Variants in TSPAN5 observed in about 807,000 individuals in gnomAD.
TSPAN5 encodes tetraspanin-5.
Under a neutral mutation model 37.1 loss-of-function variants are expected in TSPAN5, and 10 were observed. That is an observed-to-expected ratio of 0.27 (90% CI 0.17 to 0.46). The LOEUF is 0.46. Among genes scored for constraint, TSPAN5 ranks in the 20% least tolerant of loss-of-function variants. TSPAN5 has a pLI of 1.00. For missense variants in TSPAN5, 195 were observed against 326.6 expected, an observed-to-expected ratio of 0.60 and a Z score of 3.11; for synonymous variants, 110 against 118.9, an observed-to-expected ratio of 0.93 and a Z score of 0.48.
intron 1 of TSPAN5, among the ~76,000 whole-genome samples, chr4:98,523,658 T>G (rs573153531): frequency 6.6e-6 from 1 of 152,330 alleles, no homozygotes; most frequent in Non-Finnish European, 1.5e-5. Flanking sequence ...CTGGTCAACA[T>G]GAACTCTTGG....
chr4:98,623,837 A>G (rs1308190453), intron 1 of TSPAN5, among the ~76,000 whole-genome samples: 3 of 152,178 alleles, frequency 2.0e-5, no homozygotes, highest in Admixed American at 1.3e-4. Context: ...ATGCACACAT[A>G]CATATATACA....
At chr4:98,514,434 G>A (rs1293152921) in intron 1 of TSPAN5, among the ~76,000 whole-genome samples, 1 of 152,160 alleles carries the variant, frequency 6.6e-6, no homozygotes, top group Non-Finnish European at 1.5e-5. Context: ...GATAATTCTG[G>A]CCATGTCAAA....
intron 1 of TSPAN5, among the ~76,000 whole-genome samples, chr4:98,630,153 A>C (rs571874685): frequency 6.6e-6 from 1 of 152,296 alleles, no homozygotes; most frequent in South Asian, 2.1e-4. Flanking sequence ...GTATCTACTA[A>C]ACAGCATCAG....
chr4:98,649,384 T>C (rs1300204792), intron 1 of TSPAN5, among the ~76,000 whole-genome samples: 1 of 152,124 alleles, frequency 6.6e-6, no homozygotes, highest in Non-Finnish European at 1.5e-5. Flanking sequence ...CAGAACTAAA[T>C]CTAAATTCAA....
At chr4:98,623,939 AGTTATTTAAG>A in intron 1 of TSPAN5, among the ~76,000 whole-genome samples, 2 of 152,306 alleles carry the variant, frequency 1.3e-5, no homozygotes, top group South Asian at 4.1e-4. Flanking sequence ...TTTGGATATT[AGTTATTTAAG>A]GTAAGCCTAT....
In TSPAN5 at chr4:98,472,138, A is replaced by T. The variant is rs777574223; in HGVS notation, c.*384T>A. 19 of 166,154 alleles carry T rather than the reference A, an allele frequency of 1.1e-4. No individual in the cohort carries two copies. The highest frequency in any genetic ancestry group is 1.3e-4 in the Non-Finnish European group (10 of 77,456). The allele number at this position is 166,154 out of a possible 1,614,324, so 10.3% of individuals were successfully genotyped here. ...GGAACAGAAAGAAGGTGGTCCGTCCAAGGTGTGGTGAAGAGCAAAGCTGCC... is the reference window on the plus strand; with the variant it reads ...GGAACAGAAAGAAGGTGGTCCGTCCTAGGTGTGGTGAAGAGCAAAGCTGCC... On this transcript the variant is annotated 3_prime_UTR_variant, in exon 8 of 8. Coordinates refer to ENST00000305798, the MANE Select transcript of TSPAN5 (RefSeq NM_005723.4).
chr4:98,647,016 G>A (rs528949434), intron 1 of TSPAN5, among the ~76,000 whole-genome samples: 9 of 152,140 alleles, frequency 5.9e-5, no homozygotes, highest in Non-Finnish European at 5.9e-5. Context: ...GGCAAGTAAC[G>A]TCTAAGGTCA....
chr4:98,649,070 C>T (rs773821015), intron 1 of TSPAN5, among the ~76,000 whole-genome samples: 5 of 152,124 alleles, frequency 3.3e-5, no homozygotes, highest in African/African-American at 4.8e-5. Flanking sequence ...AAAACCCACA[C>T]GAGGAGTAAT....
intron 1 of TSPAN5, among the ~76,000 whole-genome samples, chr4:98,648,767 C>G (rs1460588758): frequency 6.6e-6 from 1 of 152,234 alleles, no homozygotes; most frequent in Admixed American, 6.5e-5. Flanking sequence ...CTCCAGGGAG[C>G]AACGGGAAGG....
chr4:98,621,940 T>C (rs1000905484), intron 1 of TSPAN5, among the ~76,000 whole-genome samples: 11 of 152,238 alleles, frequency 7.2e-5, no homozygotes, highest in Non-Finnish European at 8.8e-5. Flanking sequence ...TTCATCCATG[T>C]TGTAGCATGT....
intron 1 of TSPAN5, among the ~76,000 whole-genome samples, chr4:98,639,492 T>A (rs954483666): frequency 6.6e-5 from 10 of 151,612 alleles, no homozygotes; most frequent in Non-Finnish European, 1.0e-4. Context: ...TAATTTTTTT[T>A]TTTTTTTTTG....
chr4:98,579,358 G>C (rs969866076), intron 1 of TSPAN5, among the ~76,000 whole-genome samples: 1 of 152,166 alleles, frequency 6.6e-6, no homozygotes, highest in African/African-American at 2.4e-5. Context: ...CTATAAACCA[G>C]AGCAAGGTAC....
At chr4:98,555,951 T>C (rs17027701) in intron 1 of TSPAN5, among the ~76,000 whole-genome samples, 6,212 of 150,966 alleles carry the variant, frequency 0.041, 305 homozygotes, top group Admixed American at 0.12. Flanking sequence ...GCAAAAAGAC[T>C]GAAAAATCAC....
rs151310991 is a variant in TSPAN5, at chr4:98,600,365, A to G, written c.81+57781T>C. Among the ~76,000 whole-genome samples the G allele has an allele frequency of 7.2e-3, 1,097 of 152,308 alleles. 9 individuals carry two copies. The highest frequency in any genetic ancestry group is 0.014 in the Middle Eastern group (4 of 294). ...TTCCTTTCACAAAAGATTTCTCTGT[A>G]ACATGTTATGCTGTCAGATGGCATT... is the stretch of plus-strand genomic sequence containing the variant. On this transcript the variant is annotated intron_variant, in intron 1 of 7. Transcript: ENST00000305798.
chr4:98,473,452 A>ATTT (rs35624650), intron 7 of TSPAN5, among the ~76,000 whole-genome samples: 5 of 134,260 alleles, frequency 3.7e-5, no homozygotes, highest in Non-Finnish European at 4.8e-5. Flanking sequence ...CTTATTAGCC[A>ATTT]TTTTTTTTTT....
intron 1 of TSPAN5, among the ~76,000 whole-genome samples, chr4:98,623,597 T>C (rs1379935181): frequency 2.6e-5 from 4 of 152,228 alleles, no homozygotes; most frequent in Non-Finnish European, 4.4e-5. Context: ...AAGTCTACAA[T>C]GCAAATAATT....
intron 1 of TSPAN5, among the ~76,000 whole-genome samples, chr4:98,642,725 T>C (rs1756984469): frequency 6.6e-6 from 1 of 152,168 alleles, no homozygotes; most frequent in Non-Finnish European, 1.5e-5. Context: ...TAGTGATGTA[T>C]TGATGATCTT....
At chr4:98,489,569 T>C (rs1369559154) in intron 2 of TSPAN5, among the ~76,000 whole-genome samples, 1 of 152,166 alleles carries the variant, frequency 6.6e-6, no homozygotes, top group Non-Finnish European at 1.5e-5. Flanking sequence ...AACTGAGCTT[T>C]CACTCGCCGT....
At position 98,601,460 on chromosome 4, in the gene TSPAN5, T is replaced by G. The variant is rs180918872; in HGVS notation, c.81+56686A>C. ...TACATGAGCACGTGCTGCTTCACCT[T>G]GCGCTTTTATGTTATGAAGATGGCT... On this transcript the variant is annotated intron_variant, in intron 1 of 7. Transcript: ENST00000305798. 2.3e-3 allele frequency among the ~76,000 whole-genome samples: 346 copies of G among 152,352 alleles called. 1 individual carries two copies. Among genetic ancestry groups the G allele is most frequent in the Non-Finnish European group, 3.9e-3 (262 of 68,036 alleles).
Sources: gnomAD v4.1 joint callset for allele counts (sites outside exome capture counted in the v4.1 genomes callset) on GRCh38, gnomAD v4.1.1 for gene constraint, MANE v1.5 for transcripts, NCBI Gene and HGNC (gene_info 2026-07-23, HGNC 2026-07-21) for gene names.